Variants in BAZ2B observed in about 807,000 individuals in gnomAD.
BAZ2B encodes bromodomain adjacent to zinc finger domain 2B.
BAZ2B carries 91 observed loss-of-function variants against 246.0 expected under a neutral mutation model. The ratio of observed to expected loss-of-function variants is 0.37; its 90% CI spans 0.31 to 0.44. The LOEUF is 0.44. Ranked by LOEUF, BAZ2B falls within the 20% of genes least tolerant of loss-of-function variation. The pLI, the probability that BAZ2B is intolerant of heterozygous loss-of-function variation, is 1.00. For missense variants in BAZ2B, 2,332 were observed against 2,533.7 expected (o/e 0.92, Z 1.71); for synonymous variants, 855 against 860.0 (o/e 0.99, Z 0.10).
intron 20 of BAZ2B, among the ~76,000 whole-genome samples, chr2:159,393,924 G>A (rs2063653803): frequency 6.6e-6 from 1 of 152,106 alleles, no homozygotes. Context: ...CCAGCGGGAG[G>A]GTTCATGTCT....
the BAZ2B span, among the ~76,000 whole-genome samples, chr2:159,659,015 G>C: frequency 6.6e-6 from 1 of 152,080 alleles, no homozygotes; most frequent in Non-Finnish European, 1.5e-5. Flanking sequence ...TCCCTTTCTT[G>C]TAATGTCTTT....
chr2:159,592,171 T>A (rs3903306), intron 1 of BAZ2B, among the ~76,000 whole-genome samples: 46,254 of 152,056 alleles, frequency 0.3, 8,813 homozygotes, highest in Admixed American at 0.43. Context: ...AACCCATCTG[T>A]TAATATGAAT....
intron 1 of BAZ2B, among the ~76,000 whole-genome samples, chr2:159,571,030 T>A (rs536275094): frequency 5.3e-5 from 8 of 152,180 alleles, no homozygotes; most frequent in Non-Finnish European, 7.4e-5. Context: ...ATTTTTGTAT[T>A]TTTAATAGAA....
the BAZ2B span, among the ~76,000 whole-genome samples, chr2:159,698,473 C>G: frequency 1.4e-5 from 2 of 145,618 alleles, no homozygotes; most frequent in African/African-American, 5.2e-5. Flanking sequence ...CACTGCACTC[C>G]AGCCTAGGCA....
chr2:159,375,893 ATTAG>A (rs1366462514), intron 25 of BAZ2B, among the ~76,000 whole-genome samples: 2 of 152,346 alleles, frequency 1.3e-5, no homozygotes, highest in Non-Finnish European at 2.9e-5. Context: ...AGGGAAGAAG[ATTAG>A]TTATACTATA....
At chr2:159,593,106 T>A (rs1391671978) in intron 1 of BAZ2B, among the ~76,000 whole-genome samples, 3 of 152,134 alleles carry the variant, frequency 2.0e-5, no homozygotes, top group African/African-American at 4.8e-5. Flanking sequence ...CAACTCCATA[T>A]GAAAACTAAA....
intron 27 of BAZ2B, among the ~76,000 whole-genome samples, chr2:159,357,952 G>A (rs1194597756): frequency 3.3e-5 from 5 of 152,132 alleles, no homozygotes; most frequent in Non-Finnish European, 7.3e-5. Flanking sequence ...CCTTACAAGA[G>A]CTCCTGAAGG....
chr2:159,666,825 A>G, the BAZ2B span, among the ~76,000 whole-genome samples: 2 of 152,118 alleles, frequency 1.3e-5, no homozygotes, highest in East Asian at 3.9e-4. Flanking sequence ...ACTGCACTCC[A>G]GCCTGGGCAA....
At chr2:159,629,087 T>G in the BAZ2B span, among the ~76,000 whole-genome samples, 1 of 152,228 alleles carries the variant, frequency 6.6e-6, no homozygotes, top group Admixed American at 6.5e-5. Flanking sequence ...TCATCATCAC[T>G]GGTCATTAGA....
the BAZ2B span, among the ~76,000 whole-genome samples, chr2:159,690,561 C>T: frequency 3.9e-4 from 59 of 152,194 alleles, 3 homozygotes; most frequent in East Asian, 0.011. Context: ...TTATAGGCTA[C>T]TAGTTACTGA....
At chr2:159,617,790 G>C (rs942050984), upstream of BAZ2B, among the ~76,000 whole-genome samples, 2 of 151,848 alleles carry the variant, frequency 1.3e-5, no homozygotes, top group African/African-American at 2.4e-5. Context: ...AAAAAAGCTT[G>C]GCAGACTCGG....
chr2:159,368,476 A>C (rs1052899350), intron 27 of BAZ2B, among the ~76,000 whole-genome samples: 7 of 152,194 alleles, frequency 4.6e-5, no homozygotes, highest in Admixed American at 1.3e-4. Context: ...GAAGGAATCT[A>C]TACCTATTAT....
rs1043928259 is a variant in BAZ2B at position 159,382,897 on chromosome 2, T to C, written c.3762-95A>G. The C allele has an allele frequency of 9.6e-6, 14 of 1,460,728 alleles. No homozygotes were observed. The Admixed American group carries it at 2.2e-4, about 23-fold the overall frequency. 90.5% of individuals were successfully genotyped at this position (1,460,728 alleles called of 1,614,324 possible). ...ATGAGTTGTATGCAAAAATACCTTA[T>C]GGCATTTCTTTTGTGTTAAGCGATA... is the stretch of plus-strand genomic sequence containing the variant. On this transcript the variant is annotated intron_variant, in intron 24 of 36. Coordinates refer to ENST00000392783, the MANE Select transcript of BAZ2B (RefSeq NM_013450.4).
chr2:159,510,705 T>C (rs2082830763), intron 2 of BAZ2B, among the ~76,000 whole-genome samples: 1 of 152,216 alleles, frequency 6.6e-6, no homozygotes, highest in Non-Finnish European at 1.5e-5. Context: ...AACTGTATGG[T>C]ATGTGAATTA....
intron 28 of BAZ2B, 53 bp downstream of exon 28, chr2:159,349,655 G>T: frequency 6.7e-7 from 1 of 1,499,930 alleles, no homozygotes; most frequent in South Asian, 1.3e-5. Context: ...TCTCCATGGG[G>T]TCAAAGATTA....
intron 10 of BAZ2B, among the ~76,000 whole-genome samples, chr2:159,430,263 A>G (rs907195671): frequency 7.2e-5 from 11 of 152,206 alleles, no homozygotes; most frequent in African/African-American, 2.7e-4. Flanking sequence ...CAGCCTGTTC[A>G]ACATGAAGAT....
chr2:159,618,169 T>A (rs1213308177), upstream of BAZ2B, among the ~76,000 whole-genome samples: 1 of 152,162 alleles, frequency 6.6e-6, no homozygotes, highest in Non-Finnish European at 1.5e-5. Context: ...TACACCACAC[T>A]CAGTAATTTC....
At chr2:159,452,152 C>T (rs1368701034) in intron 4 of BAZ2B, among the ~76,000 whole-genome samples, 1 of 152,104 alleles carries the variant, frequency 6.6e-6, no homozygotes, top group Non-Finnish European at 1.5e-5. Flanking sequence ...TCCCTGCTTC[C>T]CAGACAACTG....
intron 5 of BAZ2B, among the ~76,000 whole-genome samples, 181 bp from the exon 6 acceptor site, chr2:159,447,156 C>T (rs2074371277): frequency 6.6e-6 from 1 of 152,056 alleles, no homozygotes; most frequent in South Asian, 2.1e-4. Context: ...CCTACAGGGA[C>T]AAAGTGAAAA....
Sources: gnomAD v4.1 joint callset for allele counts (sites outside exome capture counted in the v4.1 genomes callset) on GRCh38, gnomAD v4.1.1 for gene constraint, MANE v1.5 for transcripts, NCBI Gene and HGNC (gene_info 2026-07-23, HGNC 2026-07-21) for gene names.